ITFG1: variants seen among roughly 807,000 people sequenced by gnomAD.
ITFG1 encodes the protein T-cell immunomodulatory protein.
In ITFG1, 34 loss-of-function variants were observed where a neutral mutation model predicts 81.8. The observed-to-expected ratio is 0.42, with a 90% CI of 0.32 to 0.55. The LOEUF (loss-of-function observed/expected upper bound fraction) is 0.55, where lower values mean the gene tolerates loss of function less well. ITFG1 is among the 20% of genes least tolerant of loss of function. ITFG1 has a pLI of 0.17. For missense variants in ITFG1, 672 were observed against 755.4 expected, an observed-to-expected ratio of 0.89 and a Z score of 1.29; for synonymous variants, 285 against 270.6, an observed-to-expected ratio of 1.05 and a Z score of -0.52.
At chr16:47,352,944 A>G (rs536886140) in intron 8 of ITFG1, among the ~76,000 whole-genome samples, 5 of 152,278 alleles carry the variant, frequency 3.3e-5, no homozygotes, top group African/African-American at 1.2e-4. Context: ...GATTCTCAGC[A>G]AACTATCGCC....
chr16:47,325,539 G>T (rs1245171559), intron 8 of ITFG1, among the ~76,000 whole-genome samples: 3 of 152,124 alleles, frequency 2.0e-5, no homozygotes, highest in Admixed American at 1.3e-4. Context: ...CCAGGAGCTG[G>T]TTTTTTGAAA....
intron 8 of ITFG1, among the ~76,000 whole-genome samples, chr16:47,352,022 C>T (rs1967965873): frequency 6.6e-6 from 1 of 152,180 alleles, no homozygotes; most frequent in Admixed American, 6.5e-5. Context: ...AAAGCTGAAA[C>T]TGGATCCCTT....
chr16:47,222,575 G>C (rs910809082), intron 13 of ITFG1, among the ~76,000 whole-genome samples: 1 of 152,024 alleles, frequency 6.6e-6, no homozygotes, highest in African/African-American at 2.4e-5. Flanking sequence ...CACCAGGCCC[G>C]GCTAATTTTT....
At chr16:47,395,646 A>G (rs1466783494) in intron 6 of ITFG1, among the ~76,000 whole-genome samples, 1 of 152,266 alleles carries the variant, frequency 6.6e-6, no homozygotes, top group Non-Finnish European at 1.5e-5. Flanking sequence ...AACACTGTAT[A>G]ATAAAAGCAA....
At chr16:47,411,753 G>A (rs1056004547) in intron 6 of ITFG1, among the ~76,000 whole-genome samples, 1 of 152,234 alleles carries the variant, frequency 6.6e-6, no homozygotes, top group East Asian at 1.9e-4. Flanking sequence ...ATTGGAGGTG[G>A]CTCCCATACG....
In ITFG1 at chr16:47,459,087, T is replaced by A. The variant is rs1321234496; in HGVS notation, c.281+16A>T. On this transcript the variant is annotated intron_variant, in intron 2 of 17. Coordinates refer to ENST00000320640, the MANE Select transcript of ITFG1 (RefSeq NM_030790.5). ...AATGACTAAAGTTTTATCAAAATAA[T>A]CATATTTGTACTTACTTGAAAGATA... 1 of 1,429,226 alleles carries A rather than the reference T, an allele frequency of 7.0e-7. No homozygotes were observed. The highest frequency in any genetic ancestry group is 9.9e-7 in the Non-Finnish European group (1 of 1,013,352). 88.5% of individuals were successfully genotyped at this position (1,429,226 alleles called of 1,614,324 possible).
At chr16:47,181,717 A>G (rs1325223871) in intron 14 of ITFG1, among the ~76,000 whole-genome samples, 1 of 152,150 alleles carries the variant, frequency 6.6e-6, no homozygotes, top group Non-Finnish European at 1.5e-5. Context: ...CCATGATGAC[A>G]ATGGCGGTTT....
chr16:47,274,262 GA>G (rs1213763690), intron 10 of ITFG1, among the ~76,000 whole-genome samples: 2 of 149,404 alleles, frequency 1.3e-5, no homozygotes, highest in Admixed American at 1.3e-4. Context: ...CTCATAAAAA[GA>G]AAAAAAAAGA....
chr16:47,425,399 C>G (rs1179096651), intron 6 of ITFG1, among the ~76,000 whole-genome samples: 1 of 152,100 alleles, frequency 6.6e-6, no homozygotes, highest in Non-Finnish European at 1.5e-5. Flanking sequence ...CCCTGCAGTT[C>G]CTGGGTAAGG....
At chr16:47,359,382 C>T (rs928084531) in intron 8 of ITFG1, among the ~76,000 whole-genome samples, 2 of 152,164 alleles carry the variant, frequency 1.3e-5, no homozygotes, top group Non-Finnish European at 2.9e-5. Context: ...CTTCCTACTC[C>T]TTTCCTACCT....
At chr16:47,324,689 C>A (rs1967503995) in intron 8 of ITFG1, among the ~76,000 whole-genome samples, 1 of 151,994 alleles carries the variant, frequency 6.6e-6, no homozygotes, top group Non-Finnish European at 1.5e-5. Flanking sequence ...GCAATCAAGT[C>A]TCGGATAAAA....
At chr16:47,419,507 C>T (rs573109445) in intron 6 of ITFG1, among the ~76,000 whole-genome samples, 57 of 151,470 alleles carry the variant, frequency 3.8e-4, no homozygotes, top group Non-Finnish European at 6.6e-4. Context: ...CCTGACTTCA[C>T]GCGATCCACC....
At chr16:47,278,721 G>A (rs138102914) in intron 10 of ITFG1, among the ~76,000 whole-genome samples, 4 of 152,292 alleles carry the variant, frequency 2.6e-5, no homozygotes, top group Non-Finnish European at 4.4e-5. Context: ...GCCAGTAGTG[G>A]CAATGGGGAG....
chr16:47,356,065 G>C (rs892017706), intron 8 of ITFG1, among the ~76,000 whole-genome samples: 1 of 152,144 alleles, frequency 6.6e-6, no homozygotes, highest in African/African-American at 2.4e-5. Context: ...TTTAAGGTAA[G>C]GATACAGCTT....
At chr16:47,411,825 C>G (rs544525862) in intron 6 of ITFG1, among the ~76,000 whole-genome samples, 1 of 152,256 alleles carries the variant, frequency 6.6e-6, no homozygotes, top group African/African-American at 2.4e-5. Context: ...AATCACAGAG[C>G]GCTCTTGCAA....
At chr16:47,205,408 C>A (rs1049347206) in intron 14 of ITFG1, among the ~76,000 whole-genome samples, 1 of 152,156 alleles carries the variant, frequency 6.6e-6, no homozygotes, top group African/African-American at 2.4e-5. Flanking sequence ...ACAATTCGTA[C>A]AAATTTTCAG....
At chr16:47,167,056 CTT>C (rs951705566) in intron 14 of ITFG1, among the ~76,000 whole-genome samples, 43 of 152,298 alleles carry the variant, frequency 2.8e-4, no homozygotes, top group African/African-American at 8.7e-4. Flanking sequence ...TCAATTCTCT[CTT>C]GTTTGCAAAC....
At chr16:47,223,922 G>A (rs963897511) in intron 13 of ITFG1, among the ~76,000 whole-genome samples, 1 of 151,994 alleles carries the variant, frequency 6.6e-6, no homozygotes, top group Non-Finnish European at 1.5e-5. Flanking sequence ...GTAGGGACAT[G>A]GATGAAATTG....
intron 10 of ITFG1, among the ~76,000 whole-genome samples, chr16:47,307,031 T>G (rs1419186076): frequency 1.5e-5 from 2 of 129,170 alleles, no homozygotes; most frequent in Non-Finnish European, 3.1e-5. Context: ...GAGGCAGAGC[T>G]TGCAGTATGT....
Sources: gnomAD v4.1 joint callset for allele counts (sites outside exome capture counted in the v4.1 genomes callset) on GRCh38, gnomAD v4.1.1 for gene constraint, MANE v1.5 for transcripts, NCBI Gene and HGNC (gene_info 2026-07-23, HGNC 2026-07-21) for gene names.